PCDHGB2: variants seen among roughly 807,000 people sequenced by gnomAD.
The protein encoded by PCDHGB2 is protocadherin gamma subfamily B, 2.
A neutral mutation model predicts 59.3 loss-of-function variants in PCDHGB2; 55 were observed. That is an observed-to-expected ratio of 0.93 (90% CI 0.75 to 1.16). The LOEUF is 1.16. PCDHGB2 is among the 50% of genes most tolerant of loss of function. PCDHGB2 has a pLI of 0.00. For missense variants in PCDHGB2, 1,228 were observed against 1,198.5 expected, an observed-to-expected ratio of 1.02 and a Z score of -0.36; for synonymous variants, 516 against 512.0, an observed-to-expected ratio of 1.01 and a Z score of -0.11.
Position 141,510,990 on chromosome 5 carries a change from C to T in PCDHGB2, c.2613C>T (p.Thr871=). ...GSSTLGGGAG[T]MGLSARYGPQ... ...CCACCCTGGGAGGGGGTGCCGGCAC[C>T]ATGGGATTGAGCGCCCGCTACGGAC... The change falls in exon 4 of 4, where the codon ACC becomes ACT. Residue 871 remains threonine, a synonymous_variant. Transcript: ENST00000522605. The T allele has an allele frequency of 2.5e-6, 4 of 1,614,166 alleles. No homozygotes were observed. Among genetic ancestry groups the T allele is most frequent in the Non-Finnish European group, 3.4e-6 (4 of 1,180,014 alleles).
chr5:141,383,435 C>T (rs749433529), intron 1 of PCDHGB2: 1 of 1,613,988 alleles, frequency 6.2e-7, no homozygotes, highest in Non-Finnish European at 8.5e-7. Context: ...CGCCACTTCT[C>T]CCTGGCTGTG....
At chr5:141,425,624 G>T (rs1007643604) in intron 1 of PCDHGB2, among the ~76,000 whole-genome samples, 1 of 152,184 alleles carries the variant, frequency 6.6e-6, no homozygotes, top group African/African-American at 2.4e-5. Flanking sequence ...TGCTCCTCCA[G>T]TTTTCTCTGA....
At position 141,361,713 on chromosome 5, in the gene PCDHGB2, C is replaced by A; in HGVS notation, c.1578C>A (p.Arg526=). Residue 526 remains arginine, a synonymous_variant, in exon 1 of 4, where the codon CGC becomes CGA. Coordinates refer to ENST00000522605, the MANE Select transcript of PCDHGB2 (RefSeq NM_018923.3). ...AQRAFDHEQL[R]AFELTLQARD... is the part of the protein sequence containing the mutation. ...GCGCCTTCGATCATGAGCAGCTGCG[C>A]GCCTTCGAGCTCACACTGCAGGCCC... 6.2e-7 allele frequency: 1 copy of A among 1,613,404 alleles called. No individual in the cohort carries two copies. Among genetic ancestry groups the A allele is most frequent in the Non-Finnish European group, 8.5e-7 (1 of 1,179,892 alleles).
At chr5:141,510,132 G>A (rs920772998) in intron 3 of PCDHGB2, among the ~76,000 whole-genome samples, 2 of 152,120 alleles carry the variant, frequency 1.3e-5, no homozygotes, top group African/African-American at 4.8e-5. Context: ...AAATTAGCTG[G>A]GCTAGTGGTG....
Position 141,365,210 on chromosome 5 carries a change from C to T in PCDHGB2, c.2421+2654C>T, listed in dbSNP as rs376872993. 14 of 1,613,810 alleles carry T rather than the reference C, an allele frequency of 8.7e-6. No homozygotes were observed. The African/African-American group carries it at 1.3e-4, about 15-fold the overall frequency. On this transcript the variant is annotated intron_variant, in intron 1 of 3. Coordinates refer to ENST00000522605, the MANE Select transcript of PCDHGB2 (RefSeq NM_018923.3). ...AGAAAAAATTTCGGAGACTTTCCAA[C>T]TTGATTCCAACCTGGGGGAAATCTC...
intron 1 of PCDHGB2, chr5:141,388,654 C>T (rs2091438371): frequency 3.1e-6 from 5 of 1,613,846 alleles, no homozygotes; most frequent in Non-Finnish European, 4.2e-6. Flanking sequence ...AACGTGTACC[C>T]GGGGACCACG....
chr5:141,507,478 C>A (rs933478897), intron 3 of PCDHGB2, among the ~76,000 whole-genome samples: 3 of 152,158 alleles, frequency 2.0e-5, no homozygotes, highest in Non-Finnish European at 4.4e-5. Context: ...GGACTGCTGG[C>A]CTCCTGAGGC....
In PCDHGB2 at chr5:141,399,498, A is replaced by G. The variant is rs539360572; in HGVS notation, c.2421+36942A>G. The G allele has an allele frequency of 1.4e-5, 22 of 1,614,002 alleles. No individual in the cohort carries two copies. The African/African-American group carries it at 2.5e-4, about 19-fold the overall frequency. On this transcript the variant is annotated intron_variant, in intron 1 of 3. Coordinates refer to ENST00000522605, the MANE Select transcript of PCDHGB2 (RefSeq NM_018923.3). Reference sequence around the variant, plus strand: ...ACCAGGCGTCCTACTTAGTCAGTGTACCCGAAAACAACCCTCCTGGGGCCT... The same window carrying G: ...ACCAGGCGTCCTACTTAGTCAGTGTGCCCGAAAACAACCCTCCTGGGGCCT...
chr5:141,384,372 G>C, intron 1 of PCDHGB2: 1 of 1,613,854 alleles, frequency 6.2e-7, no homozygotes, highest in South Asian at 1.1e-5. Context: ...CTTATTCCTT[G>C]GCCGAAGACA....
chr5:141,466,147 G>A (rs2099117729), intron 1 of PCDHGB2, among the ~76,000 whole-genome samples: 1 of 151,722 alleles, frequency 6.6e-6, no homozygotes, highest in South Asian at 2.1e-4. Flanking sequence ...TGAAAACTCT[G>A]GTCTTAAACT....
At chr5:141,468,140 C>T (rs910524133) in intron 1 of PCDHGB2, among the ~76,000 whole-genome samples, 3 of 151,942 alleles carry the variant, frequency 2.0e-5, no homozygotes, top group African/African-American at 7.2e-5. Flanking sequence ...GCCTGGCCAA[C>T]ATGGTGAAAC....
At position 141,511,216 on chromosome 5, in the gene PCDHGB2, C is replaced by G. The variant is rs374915167; in HGVS notation, c.*43C>G. Reference sequence around the variant, plus strand: ...GAGCCACAGGGCGGCCTCTCCCCAACCAGCCCAGCTTCTCCTTACCTGCAC... The same window carrying G: ...GAGCCACAGGGCGGCCTCTCCCCAAGCAGCCCAGCTTCTCCTTACCTGCAC... On this transcript the variant is annotated 3_prime_UTR_variant, in exon 4 of 4. Coordinates refer to ENST00000522605, the MANE Select transcript of PCDHGB2 (RefSeq NM_018923.3). 4.2e-5 allele frequency: 68 copies of G among 1,608,004 alleles called. No individual in the cohort carries two copies. The highest frequency in any genetic ancestry group is 6.7e-5 in the East Asian group (3 of 44,538).
chr5:141,491,254 G>A lies in PCDHGB2; in HGVS notation c.2422-3553G>A, dbSNP rs746242389. ...GCTGGTTCTGGAGGATGAGGACCCT[G>A]AGGAAATGCCCAAATCCAGTGACTT... is the stretch of plus-strand genomic sequence containing the variant. On this transcript the variant is annotated intron_variant, in intron 1 of 3. Coordinates refer to ENST00000522605, the MANE Select transcript of PCDHGB2 (RefSeq NM_018923.3). This position sits in a 1 kb window ranked among gnomAD's most constrained non-coding sequence, Gnocchi z 6.9. 24 of 1,614,198 alleles carry A rather than the reference G, an allele frequency of 1.5e-5. No individual in the cohort carries two copies. The highest frequency in any genetic ancestry group is 2.0e-5 in the Non-Finnish European group (24 of 1,180,018).
At chr5:141,384,071 CT>C in intron 1 of PCDHGB2, 1 of 1,603,192 alleles carries the variant, frequency 6.2e-7, no homozygotes. Context: ...GAAAACCTAC[CT>C]TTTAAATTAG....
At chr5:141,500,244 T>C (rs1426405294) in intron 2 of PCDHGB2, among the ~76,000 whole-genome samples, 1 of 151,640 alleles carries the variant, frequency 6.6e-6, no homozygotes, top group Non-Finnish European at 1.5e-5. Context: ...AGCCTTGCTC[T>C]GTCACCCAGG....
At chr5:141,372,450 G>A in intron 1 of PCDHGB2, 1 of 1,614,034 alleles carries the variant, frequency 6.2e-7, no homozygotes, top group South Asian at 1.1e-5. Flanking sequence ...TGACCCTCAG[G>A]CGGAGCTACA....
intron 2 of PCDHGB2, among the ~76,000 whole-genome samples, chr5:141,496,582 G>C (rs991035985): frequency 6.6e-6 from 1 of 152,100 alleles, no homozygotes; most frequent in Non-Finnish European, 1.5e-5. Flanking sequence ...TTTTAGGAAC[G>C]CAAAGCGCTT....
chr5:141,430,404 A>C (rs1054341813), intron 1 of PCDHGB2, among the ~76,000 whole-genome samples: 1 of 152,000 alleles, frequency 6.6e-6, no homozygotes, highest in African/African-American at 2.4e-5. Context: ...AAAGCTCACT[A>C]AAGTTTCTAT....
intron 1 of PCDHGB2, chr5:141,408,823 T>G: frequency 4.3e-6 from 7 of 1,613,568 alleles, no homozygotes; most frequent in Non-Finnish European, 5.9e-6. Flanking sequence ...AACAGAGATC[T>G]CATAGCTTGA....
Sources: allele counts gnomAD v4.1 joint callset (sites outside exome capture counted in the v4.1 genomes callset), GRCh38; gene constraint gnomAD v4.1.1; non-coding constraint Gnocchi (gnomAD v3.1); transcripts MANE v1.5; gene names NCBI Gene and HGNC (gene_info 2026-07-23, HGNC 2026-07-21).